The following NUDT3 variants were observed in gnomAD, a reference collection of about 807,000 sequenced individuals.
NUDT3 encodes the protein nudix hydrolase 3.
NUDT3 carries 9 observed loss-of-function variants against 23.6 expected under a neutral mutation model. The observed-to-expected ratio is 0.38, with a 90% CI of 0.23 to 0.66. NUDT3 has a LOEUF of 0.66. Among genes scored for constraint, NUDT3 ranks in the 30% least tolerant of loss-of-function variants. The pLI is 0.52. For missense variants in NUDT3, 172 were observed against 218.5 expected, an observed-to-expected ratio of 0.79 and a Z score of 1.34; for synonymous variants, 86 against 82.6, an observed-to-expected ratio of 1.04 and a Z score of -0.22.
intron 2 of NUDT3, among the ~76,000 whole-genome samples, chr6:34,304,869 A>G (rs1763655367): frequency 6.9e-6 from 1 of 145,190 alleles, no homozygotes; most frequent in Non-Finnish European, 1.5e-5. Context: ...ATGAGGTCTC[A>G]CTATATTGCC....
intron 2 of NUDT3, among the ~76,000 whole-genome samples, chr6:34,297,730 A>ATATATAT (rs1186809983): frequency 5.6e-5 from 4 of 72,006 alleles, no homozygotes; most frequent in East Asian, 4.3e-4. Flanking sequence ...AAAAAAAAAA[A>ATATATAT]ATATATATAT....
At chr6:34,340,819 G>C (rs1191337628) in intron 2 of NUDT3, among the ~76,000 whole-genome samples, 3 of 152,204 alleles carry the variant, frequency 2.0e-5, no homozygotes, top group African/African-American at 4.8e-5. Context: ...TTTGCCCTCA[G>C]AGAGAACAAT....
intron 1 of NUDT3, among the ~76,000 whole-genome samples, chr6:34,379,611 A>G (rs950437872): frequency 2.0e-5 from 3 of 151,880 alleles, no homozygotes; most frequent in Non-Finnish European, 2.9e-5. Flanking sequence ...GGGTCTTGCT[A>G]TGTTACCCAG....
intron 1 of NUDT3, among the ~76,000 whole-genome samples, chr6:34,358,067 C>T (rs190446061): frequency 4.5e-4 from 68 of 152,224 alleles, no homozygotes; most frequent in Non-Finnish European, 7.4e-4. Context: ...ACTACCTATT[C>T]GGTTCTATTG....
At chr6:34,345,206 G>A (rs1303448333) in intron 1 of NUDT3, among the ~76,000 whole-genome samples, 3 of 151,486 alleles carry the variant, frequency 2.0e-5, no homozygotes, top group Non-Finnish European at 2.9e-5. Context: ...CCACGACCAC[G>A]TCCAGCTAAT....
chr6:34,368,921 A>G (rs1050845348), intron 1 of NUDT3, among the ~76,000 whole-genome samples: 3 of 152,186 alleles, frequency 2.0e-5, no homozygotes, highest in Non-Finnish European at 4.4e-5. Context: ...TACAGGAGTG[A>G]GCCACCGCGC....
At chr6:34,336,320 G>A (rs1764208745) in intron 2 of NUDT3, among the ~76,000 whole-genome samples, 1 of 152,082 alleles carries the variant, frequency 6.6e-6, no homozygotes, top group Non-Finnish European at 1.5e-5. Flanking sequence ...GAGTTTGGGA[G>A]GGGTGTTGCT....
intron 1 of NUDT3, among the ~76,000 whole-genome samples, chr6:34,386,896 C>T (rs1765115824): frequency 6.6e-6 from 1 of 152,160 alleles, no homozygotes; most frequent in Non-Finnish European, 1.5e-5. Flanking sequence ...TGCAGATTGC[C>T]TTAGTCCAGG....
intron 1 of NUDT3, among the ~76,000 whole-genome samples, chr6:34,389,858 G>A (rs1765167289): frequency 6.6e-6 from 1 of 152,056 alleles, no homozygotes; most frequent in Non-Finnish European, 1.5e-5. Flanking sequence ...CAGCTGCTCG[G>A]GAGGCTAAGG....
At chr6:34,375,581 G>T (rs1356529362) in intron 1 of NUDT3, among the ~76,000 whole-genome samples, 1 of 152,102 alleles carries the variant, frequency 6.6e-6, no homozygotes, top group African/African-American at 2.4e-5. Flanking sequence ...CAAATCACCA[G>T]ATCAGTATAT....
chr6:34,313,337 CAGG>C (rs769595025), intron 2 of NUDT3, among the ~76,000 whole-genome samples: 29 of 152,028 alleles, frequency 1.9e-4, no homozygotes, highest in Non-Finnish European at 3.4e-4. Context: ...CAGTGGTTGT[CAGG>C]AGTTTAGGGG....
At chr6:34,343,221 A>C (rs567907973) in intron 1 of NUDT3, among the ~76,000 whole-genome samples, 1 of 152,154 alleles carries the variant, frequency 6.6e-6, no homozygotes, top group East Asian at 1.9e-4. Context: ...AATCCACAGT[A>C]GTTTTTGGTT....
intron 1 of NUDT3, among the ~76,000 whole-genome samples, chr6:34,375,568 C>T (rs115071440): frequency 0.02 from 3,009 of 152,158 alleles, 82 homozygotes; most frequent in African/African-American, 0.059. Context: ...TTTTCTTGCC[C>T]CTCAAATCAC....
intron 1 of NUDT3, among the ~76,000 whole-genome samples, chr6:34,362,783 T>C (rs571350799): frequency 6.6e-6 from 1 of 152,286 alleles, no homozygotes; most frequent in South Asian, 2.1e-4. Flanking sequence ...AAATATAACC[T>C]AATTAAATTC....
chr6:34,374,023 G>A (rs1764880629), intron 1 of NUDT3, among the ~76,000 whole-genome samples: 1 of 151,832 alleles, frequency 6.6e-6, no homozygotes, highest in African/African-American at 2.4e-5. Context: ...CAGGTGTGGT[G>A]GCATGCACCT....
intron 1 of NUDT3, among the ~76,000 whole-genome samples, chr6:34,374,044 C>T (rs1434034415): frequency 6.6e-6 from 1 of 150,756 alleles, no homozygotes; most frequent in Non-Finnish European, 1.5e-5. Flanking sequence ...GTAGTCCCAG[C>T]TACTTGGGAG....
intron 2 of NUDT3, among the ~76,000 whole-genome samples, chr6:34,315,499 T>C (rs1324444743): frequency 1.3e-5 from 2 of 152,228 alleles, no homozygotes; most frequent in East Asian, 3.8e-4. Flanking sequence ...CTAATAGGTA[T>C]GTAGTGGCAT....
intron 1 of NUDT3, among the ~76,000 whole-genome samples, chr6:34,363,453 C>A (rs1320583027): frequency 6.6e-6 from 1 of 152,174 alleles, no homozygotes; most frequent in African/African-American, 2.4e-5. Flanking sequence ...TGAAAAATAA[C>A]TGAATTTTTA....
intron 1 of NUDT3, among the ~76,000 whole-genome samples, chr6:34,385,308 C>T (rs1437165689): frequency 6.6e-6 from 1 of 151,868 alleles, no homozygotes; most frequent in Non-Finnish European, 1.5e-5. Context: ...AAAAATATGG[C>T]CAGGCACAGT....
Sources: gnomAD v4.1 joint callset for allele counts (sites outside exome capture counted in the v4.1 genomes callset) on GRCh38, gnomAD v4.1.1 for gene constraint, MANE v1.5 for transcripts, NCBI Gene and HGNC (gene_info 2026-07-23, HGNC 2026-07-21) for gene names.